Variants in LOC128092252 observed in about 807,000 individuals in gnomAD.
the LOC128092252 span, among the ~76,000 whole-genome samples, chr15:50,684,462 G>A: frequency 7.2e-5 from 11 of 151,890 alleles, no homozygotes; most frequent in African/African-American, 2.4e-4. Context: ...CCAATATGAC[G>A]AAACCCCATC....
At chr15:50,679,534 ATATATTT>A in the LOC128092252 span, among the ~76,000 whole-genome samples, 405 of 57,654 alleles carry the variant, frequency 7.0e-3, 2 homozygotes, top group Admixed American at 0.014. Context: ...ATATATATAT[ATATATTT>A]TTTTTTTTTT....
chr15:50,651,749 G>T, the LOC128092252 span, among the ~76,000 whole-genome samples: 1 of 151,964 alleles, frequency 6.6e-6, no homozygotes, highest in Non-Finnish European at 1.5e-5. Flanking sequence ...AATAAGCTGG[G>T]CGTCGTGGCA....
chr15:50,671,004 C>T, the LOC128092252 span, among the ~76,000 whole-genome samples: 2 of 152,016 alleles, frequency 1.3e-5, no homozygotes, highest in South Asian at 2.1e-4. Context: ...CTATACATTG[C>T]GGAATGGCTA....
the LOC128092252 span, among the ~76,000 whole-genome samples, chr15:50,679,531 TA>T: frequency 0.014 from 762 of 53,282 alleles, 30 homozygotes; most frequent in African/African-American, 0.052. Context: ...TATATATATA[TA>T]TATATATTTT....
chr15:50,659,316 T>C, the LOC128092252 span, among the ~76,000 whole-genome samples: 1 of 152,124 alleles, frequency 6.6e-6, no homozygotes, highest in African/African-American at 2.4e-5. Context: ...ACAAAGACTA[T>C]ATCTAACTTT....
the LOC128092252 span, among the ~76,000 whole-genome samples, chr15:50,669,992 G>C: frequency 2.6e-5 from 4 of 152,122 alleles, no homozygotes; most frequent in Admixed American, 6.6e-5. Context: ...AGGAATGCAG[G>C]ATAAGCTTAC....
the LOC128092252 span, among the ~76,000 whole-genome samples, chr15:50,680,795 A>T: frequency 6.6e-6 from 1 of 152,188 alleles, no homozygotes; most frequent in Non-Finnish European, 1.5e-5. Context: ...CATGTCCCTG[A>T]ATATCAAAAG....
chr15:50,664,449 T>C, the LOC128092252 span, among the ~76,000 whole-genome samples: 1 of 151,998 alleles, frequency 6.6e-6, no homozygotes, highest in Non-Finnish European at 1.5e-5. Flanking sequence ...AAATTCTAAT[T>C]AGAAGAAAAA....
the LOC128092252 span, among the ~76,000 whole-genome samples, chr15:50,650,999 G>A: frequency 1.2e-4 from 18 of 151,920 alleles, no homozygotes; most frequent in Non-Finnish European, 2.6e-4. Context: ...ACCAGCCCGG[G>A]CAACATGGTG....
At chr15:50,656,347 A>C in the LOC128092252 span, among the ~76,000 whole-genome samples, 1 of 151,992 alleles carries the variant, frequency 6.6e-6, no homozygotes, top group East Asian at 1.9e-4. Flanking sequence ...TTGCCCAGGC[A>C]GGAGTGCAGT....
At chr15:50,649,209 C>G in the LOC128092252 span, among the ~76,000 whole-genome samples, 1 of 152,044 alleles carries the variant, frequency 6.6e-6, no homozygotes, top group Non-Finnish European at 1.5e-5. Flanking sequence ...GAGGCCATGG[C>G]TGGAGGACCT....
chr15:50,669,022 A>T, the LOC128092252 span, among the ~76,000 whole-genome samples: 1 of 152,170 alleles, frequency 6.6e-6, no homozygotes, highest in African/African-American at 2.4e-5. Flanking sequence ...CTGACCTGTG[A>T]TAAGTTAAGA....
chr15:50,655,356 C>T, the LOC128092252 span, among the ~76,000 whole-genome samples: 1 of 150,496 alleles, frequency 6.6e-6, no homozygotes, highest in African/African-American at 2.4e-5. Context: ...TTGCTTGAAC[C>T]TGGGAGGCAG....
At chr15:50,676,633 A>G in the LOC128092252 span, among the ~76,000 whole-genome samples, 1 of 152,184 alleles carries the variant, frequency 6.6e-6, no homozygotes, top group South Asian at 2.1e-4. Flanking sequence ...AGCAGAAACC[A>G]GACGGAGTCT....
the LOC128092252 span, among the ~76,000 whole-genome samples, chr15:50,671,456 A>G: frequency 1.3e-5 from 2 of 152,172 alleles, no homozygotes; most frequent in Non-Finnish European, 2.9e-5. Context: ...ACTGAGGTCA[A>G]TGATGGACCG....
the LOC128092252 span, among the ~76,000 whole-genome samples, chr15:50,685,872 C>G: frequency 6.6e-6 from 1 of 152,172 alleles, no homozygotes; most frequent in African/African-American, 2.4e-5. Flanking sequence ...TCCTGACTGA[C>G]AGTACATTGT....
At chr15:50,661,909 C>T in the LOC128092252 span, among the ~76,000 whole-genome samples, 1 of 152,198 alleles carries the variant, frequency 6.6e-6, no homozygotes, top group East Asian at 1.9e-4. Flanking sequence ...TTTTTTCTAT[C>T]TTTAGGCCTC....
the LOC128092252 span, among the ~76,000 whole-genome samples, chr15:50,682,888 C>G: frequency 2.5e-4 from 37 of 150,514 alleles, no homozygotes. Flanking sequence ...ATTTTGCTTC[C>G]CGGTACCAAA....
chr15:50,686,380 T>A, the LOC128092252 span: 1 of 1,319,720 alleles, frequency 7.6e-7, no homozygotes, highest in Admixed American at 1.8e-5. Context: ...TGCACACCCG[T>A]CCCGAGAGGA....
Sources: gnomAD v4.1 joint callset for allele counts (sites outside exome capture counted in the v4.1 genomes callset) on GRCh38, gnomAD v4.1.1 for gene constraint, MANE v1.5 for transcripts.